Variants in GRM8 observed in about 807,000 individuals in gnomAD.
The protein encoded by GRM8 is glutamate metabotropic receptor 8.
A neutral mutation model predicts 87.2 loss-of-function variants in GRM8; 47 were observed. The ratio of observed to expected loss-of-function variants is 0.54; its 90% confidence interval spans 0.43 to 0.69. GRM8 has a LOEUF of 0.69. Among genes scored for constraint, GRM8 ranks in the 30% least tolerant of loss-of-function variants. The pLI is 0.00. For missense variants in GRM8, 1,019 were observed against 1,139.2 expected, an observed-to-expected ratio of 0.89 and a Z score of 1.52; for synonymous variants, 396 against 404.5, an observed-to-expected ratio of 0.98 and a Z score of 0.25.
At chr7:126,737,283 T>C (rs1814344613) in intron 7 of GRM8, among the ~76,000 whole-genome samples, 1 of 151,956 alleles carries the variant, frequency 6.6e-6, no homozygotes, top group South Asian at 2.1e-4. Flanking sequence ...GTTCATCTGA[T>C]CTTGTGATCT....
chr7:126,809,933 C>T (rs1793131923), intron 6 of GRM8, among the ~76,000 whole-genome samples: 1 of 152,100 alleles, frequency 6.6e-6, no homozygotes, highest in South Asian at 2.1e-4. Flanking sequence ...TTACTTTGTT[C>T]ACAGGACAAC....
chr7:126,954,937 A>G (rs1305272044), intron 3 of GRM8, among the ~76,000 whole-genome samples: 3 of 152,214 alleles, frequency 2.0e-5, no homozygotes. Context: ...GAATAAATTA[A>G]GAATCTCTAA....
chr7:126,697,712 C>G (rs376990851), intron 7 of GRM8, among the ~76,000 whole-genome samples: 1 of 152,026 alleles, frequency 6.6e-6, no homozygotes, highest in African/African-American at 2.4e-5. Context: ...TGCCTGTAAT[C>G]CCTTCTCTTT....
chr7:126,904,163 A>G, intron 4 of GRM8, 37 bp from the exon 5 acceptor site: 2 of 1,521,058 alleles, frequency 1.3e-6, no homozygotes, highest in Non-Finnish European at 1.8e-6. Flanking sequence ...TATCACATGT[A>G]TTAAAAATAC....
chr7:126,650,268 C>A (rs1307386152), intron 7 of GRM8, among the ~76,000 whole-genome samples: 2 of 152,136 alleles, frequency 1.3e-5, no homozygotes, highest in Admixed American at 6.6e-5. Context: ...CCATGGTCCC[C>A]AGTCCTGCCA....
chr7:127,075,136 T>A (rs1322043801), intron 3 of GRM8, among the ~76,000 whole-genome samples: 1 of 152,210 alleles, frequency 6.6e-6, no homozygotes, highest in African/African-American at 2.4e-5. Context: ...AGAAATGCTG[T>A]CCATAGTTAA....
intron 7 of GRM8, among the ~76,000 whole-genome samples, chr7:126,708,036 G>C (rs1164969346): frequency 1.3e-5 from 2 of 152,132 alleles, no homozygotes; most frequent in East Asian, 3.9e-4. Flanking sequence ...CAACTAAATA[G>C]TAAGAAAATG....
In GRM8 at chr7:126,500,177, T is replaced by C. The variant is rs897882844; in HGVS notation, c.2430+32775A>G. Reference sequence around the variant, plus strand: ...ATAGAACACCAGAACCTAGTCCTCCTGTCTTACTGAAATTTTGTGCCCTTT... The same window carrying C: ...ATAGAACACCAGAACCTAGTCCTCCCGTCTTACTGAAATTTTGTGCCCTTT... On this transcript the variant is annotated intron_variant, in intron 9 of 10. Transcript: ENST00000339582. 9.2e-5 allele frequency among the ~76,000 whole-genome samples: 14 copies of C among 151,972 alleles called. No individual in the cohort carries two copies. In the South Asian group the frequency reaches 1.4e-3, roughly 16 times the overall value.
intron 8 of GRM8, among the ~76,000 whole-genome samples, chr7:126,565,018 T>C (rs1166578683): frequency 6.6e-6 from 1 of 152,014 alleles, no homozygotes; most frequent in East Asian, 1.9e-4. Flanking sequence ...CAATTCCATA[T>C]AAAAACTGAC....
At chr7:126,584,879 A>C (rs1795947286) in intron 8 of GRM8, among the ~76,000 whole-genome samples, 1 of 152,190 alleles carries the variant, frequency 6.6e-6, no homozygotes, top group Admixed American at 6.5e-5. Context: ...TAATTTTTAC[A>C]TGTTTATTAA....
intron 3 of GRM8, among the ~76,000 whole-genome samples, chr7:126,921,744 G>C (rs1804556706): frequency 6.6e-6 from 1 of 152,064 alleles, no homozygotes; most frequent in Non-Finnish European, 1.5e-5. Context: ...TGTGTAGGTA[G>C]AATAAAGTCT....
intron 7 of GRM8, among the ~76,000 whole-genome samples, chr7:126,757,284 C>T (rs1259629547): frequency 3.3e-5 from 5 of 151,920 alleles, no homozygotes; most frequent in South Asian, 2.1e-4. Flanking sequence ...GACTTCTTGG[C>T]GAGGGTGTAA....
intron 3 of GRM8, among the ~76,000 whole-genome samples, chr7:127,005,681 C>T (rs958489344): frequency 6.6e-6 from 1 of 151,796 alleles, no homozygotes; most frequent in African/African-American, 2.4e-5. Context: ...ACGACTACTC[C>T]ATGCACTAGC....
At chr7:127,239,024 T>C (rs1798141426) in intron 2 of GRM8, among the ~76,000 whole-genome samples, 1 of 152,216 alleles carries the variant, frequency 6.6e-6, no homozygotes, top group South Asian at 2.1e-4. Flanking sequence ...ATCCCTTGCA[T>C]CAGGTTTTGA....
At chr7:126,739,415 C>T (rs1232473307) in intron 7 of GRM8, among the ~76,000 whole-genome samples, 8 of 151,900 alleles carry the variant, frequency 5.3e-5, no homozygotes, top group African/African-American at 1.9e-4. Flanking sequence ...TGCACACACA[C>T]ACACACACAC....
intron 7 of GRM8, among the ~76,000 whole-genome samples, chr7:126,737,830 T>C (rs879739088): frequency 6.6e-6 from 1 of 152,070 alleles, no homozygotes; most frequent in Non-Finnish European, 1.5e-5. Context: ...GGCAGACAAG[T>C]AACTTTGCAA....
intron 2 of GRM8, among the ~76,000 whole-genome samples, chr7:127,179,536 G>A (rs958902080): frequency 2.2e-4 from 33 of 152,056 alleles, no homozygotes; most frequent in South Asian, 8.3e-4. Context: ...TCCAACAACC[G>A]CAAAATACAC....
chr7:126,463,572 G>A (rs1584697255), intron 9 of GRM8, among the ~76,000 whole-genome samples: 1 of 151,558 alleles, frequency 6.6e-6, no homozygotes. Flanking sequence ...TCGGTCTTTG[G>A]TTAGGGAAAG....
At chr7:127,049,336 T>C (rs11563774) in intron 3 of GRM8, among the ~76,000 whole-genome samples, 12,663 of 152,220 alleles carry the variant, frequency 0.083, 562 homozygotes, top group South Asian at 0.13. Flanking sequence ...CTGGGTGGCT[T>C]TATGTTAAAC....
Sources: allele counts gnomAD v4.1 joint callset (sites outside exome capture counted in the v4.1 genomes callset), GRCh38; gene constraint gnomAD v4.1.1; transcripts MANE v1.5; gene names NCBI Gene and HGNC (gene_info 2026-07-23, HGNC 2026-07-21).